The following CDH12 variants were observed in gnomAD, a reference collection of about 807,000 sequenced individuals.
CDH12 encodes cadherin-12.
Under a neutral mutation model 74.1 loss-of-function variants are expected in CDH12, and 41 were observed. The observed-to-expected ratio is 0.55, with a 90% CI of 0.43 to 0.72. The LOEUF is 0.72. CDH12 is among the 30% of genes least tolerant of loss of function. The pLI is 0.00. For missense variants in CDH12, 945 were observed against 977.2 expected (o/e 0.97, Z 0.44); for synonymous variants, 399 against 355.0 (o/e 1.12, Z -1.39).
chr5:22,110,661 CA>C (rs1310403749), intron 4 of CDH12, among the ~76,000 whole-genome samples: 1 of 151,960 alleles, frequency 6.6e-6, no homozygotes, highest in Non-Finnish European at 1.5e-5. Flanking sequence ...CTCAAAAGGC[CA>C]ATCATAGGTG....
intron 2 of CDH12, among the ~76,000 whole-genome samples, chr5:22,490,570 A>G (rs1457666968): frequency 1.5e-5 from 2 of 133,736 alleles, no homozygotes; most frequent in Non-Finnish European, 3.4e-5. Context: ...ATGAAAATGA[A>G]AAAAAAAAAT....
chr5:21,967,181 A>G (rs1173940362), intron 6 of CDH12, among the ~76,000 whole-genome samples: 6 of 152,134 alleles, frequency 3.9e-5, no homozygotes, highest in African/African-American at 1.4e-4. Context: ...CAGTGATTGA[A>G]CTTCAGCAAG....
At chr5:22,810,854 C>T (rs186808236) in intron 1 of CDH12, among the ~76,000 whole-genome samples, 53 of 151,992 alleles carry the variant, frequency 3.5e-4, no homozygotes, top group African/African-American at 1.3e-3. Flanking sequence ...TGTACTCCAG[C>T]CTGGGCAACA....
Position 22,315,602 on chromosome 5 carries a change from G to T in CDH12, c.-333+89655C>A, listed in dbSNP as rs1738598676. ...GATGAGATTCATCAGAAAGGTGAAGGTCTAGAAAAGACATATGTATTAAAA... is the reference window on the plus strand; with the variant it reads ...GATGAGATTCATCAGAAAGGTGAAGTTCTAGAAAAGACATATGTATTAAAA... On this transcript the variant is annotated intron_variant, in intron 3 of 14. Coordinates refer to ENST00000382254, the MANE Select transcript of CDH12 (RefSeq NM_004061.5). Among the ~76,000 whole-genome samples, 4 of 152,254 alleles carry T rather than the reference G, an allele frequency of 2.6e-5. No individual in the cohort carries two copies. The South Asian group carries it at 8.3e-4, about 32-fold the overall frequency.
At chr5:22,679,759 A>G (rs973234093) in intron 1 of CDH12, among the ~76,000 whole-genome samples, 3 of 152,138 alleles carry the variant, frequency 2.0e-5, no homozygotes, top group African/African-American at 7.2e-5. Context: ...TATTATGTAC[A>G]TGCTACTATC....
At chr5:22,242,101 A>G (rs1752772608) in intron 3 of CDH12, among the ~76,000 whole-genome samples, 1 of 152,158 alleles carries the variant, frequency 6.6e-6, no homozygotes, top group Non-Finnish European at 1.5e-5. Context: ...TTTTATTTGT[A>G]TTCACTTGAA....
chr5:22,784,823 A>T (rs1747546008), intron 1 of CDH12, among the ~76,000 whole-genome samples: 1 of 152,162 alleles, frequency 6.6e-6, no homozygotes, highest in Non-Finnish European at 1.5e-5. Flanking sequence ...TATACCTTTT[A>T]TGTATGGCAA....
At chr5:22,801,826 G>T (rs1170865427) in intron 1 of CDH12, among the ~76,000 whole-genome samples, 2 of 151,204 alleles carry the variant, frequency 1.3e-5, no homozygotes, top group Non-Finnish European at 2.9e-5. Context: ...GTTTAAATGT[G>T]CATTTACTTT....
chr5:21,755,989 T>A, intron 13 of CDH12, 147 bp from the exon 14 acceptor site: 1 of 681,046 alleles, frequency 1.5e-6, no homozygotes, highest in Non-Finnish European at 2.4e-6. Flanking sequence ...TTATGAAAAC[T>A]GCCAAAATAT....
At chr5:22,467,186 T>A (rs1450846782) in intron 2 of CDH12, among the ~76,000 whole-genome samples, 1 of 152,130 alleles carries the variant, frequency 6.6e-6, no homozygotes, top group African/African-American at 2.4e-5. Flanking sequence ...CATACTGGCA[T>A]GAGATGAGTA....
intron 3 of CDH12, among the ~76,000 whole-genome samples, chr5:22,331,251 A>G (rs764383601): frequency 1.3e-5 from 2 of 152,144 alleles, no homozygotes; most frequent in African/African-American, 4.8e-5. Flanking sequence ...TCTAAAGGAA[A>G]GGGCCTTAGG....
At chr5:22,780,328 C>A (rs1203237389) in intron 1 of CDH12, among the ~76,000 whole-genome samples, 4 of 152,056 alleles carry the variant, frequency 2.6e-5, no homozygotes, top group Non-Finnish European at 4.4e-5. Flanking sequence ...GATTTCAAGG[C>A]TGCAGTGAGC....
chr5:22,298,540 C>T (rs1171043229), intron 3 of CDH12, among the ~76,000 whole-genome samples: 1 of 102,418 alleles, frequency 9.8e-6, no homozygotes, highest in Non-Finnish European at 2.4e-5. Flanking sequence ...AACTCTAAAG[C>T]CATTTTTATC....
intron 1 of CDH12, among the ~76,000 whole-genome samples, chr5:22,814,785 TAA>T: frequency 6.6e-6 from 1 of 152,302 alleles, no homozygotes; most frequent in African/African-American, 2.4e-5. Context: ...TGTAATTTGA[TAA>T]GTCTAATTTT....
intron 3 of CDH12, chr5:22,278,076 A>T (rs1224075413): frequency 1.3e-5 from 2 of 152,218 alleles, no homozygotes; most frequent in East Asian, 3.9e-4. Flanking sequence ...AATGAGAAGA[A>T]AGGCTTTTAT....
chr5:22,062,098 C>T (rs1436571637), intron 5 of CDH12, among the ~76,000 whole-genome samples: 2 of 152,090 alleles, frequency 1.3e-5, no homozygotes, highest in East Asian at 1.9e-4. Flanking sequence ...TCTTAGTGTT[C>T]TTCGTTACTT....
intron 9 of CDH12, among the ~76,000 whole-genome samples, chr5:21,806,936 T>A (rs1049856718): frequency 6.6e-6 from 1 of 152,160 alleles, no homozygotes; most frequent in African/African-American, 2.4e-5. Context: ...AAAACCATGT[T>A]TGCAAAACTA....
chr5:22,737,078 T>A (rs1744767276), intron 1 of CDH12, among the ~76,000 whole-genome samples: 1 of 151,964 alleles, frequency 6.6e-6, no homozygotes, highest in South Asian at 2.1e-4. Flanking sequence ...TATTTTAAAA[T>A]CCTCCCAAGG....
At chr5:21,902,404 C>A (rs1333808628) in intron 6 of CDH12, among the ~76,000 whole-genome samples, 1 of 151,884 alleles carries the variant, frequency 6.6e-6, no homozygotes, top group Admixed American at 6.6e-5. Flanking sequence ...TTTCCAGAGC[C>A]AGTGGATTAA....
Sources: gnomAD v4.1 joint callset for allele counts (sites outside exome capture counted in the v4.1 genomes callset) on GRCh38, gnomAD v4.1.1 for gene constraint, MANE v1.5 for transcripts, NCBI Gene and HGNC (gene_info 2026-07-23, HGNC 2026-07-21) for gene names.